DACH1: variants seen among roughly 807,000 people sequenced by gnomAD.
DACH1 encodes dachshund homolog 1.
Under a neutral mutation model 54.2 loss-of-function variants are expected in DACH1, and 12 were observed. That is an observed-to-expected ratio of 0.22 (90% CI 0.14 to 0.36). DACH1 has a LOEUF of 0.36. Ranked by LOEUF, DACH1 falls within the 10% of genes least tolerant of loss-of-function variation. DACH1 has a pLI of 1.00. For missense variants in DACH1, 805 were observed against 929.8 expected, an observed-to-expected ratio of 0.87 and a Z score of 1.75; for synonymous variants, 386 against 366.2, an observed-to-expected ratio of 1.05 and a Z score of -0.62.
At chr13:71,684,791 A>G (rs983593935) in intron 1 of DACH1, among the ~76,000 whole-genome samples, 2 of 152,154 alleles carry the variant, frequency 1.3e-5, no homozygotes, top group African/African-American at 4.8e-5. Context: ...TAAAAATAAT[A>G]ATAATAACCC....
At chr13:71,786,583 A>G (rs1272498911) in intron 1 of DACH1, among the ~76,000 whole-genome samples, 1 of 152,156 alleles carries the variant, frequency 6.6e-6, no homozygotes, top group Non-Finnish European at 1.5e-5. Flanking sequence ...ACATTTCAGT[A>G]TTTAATATTA....
At chr13:71,607,100 A>C (rs1874933783) in intron 3 of DACH1, among the ~76,000 whole-genome samples, 1 of 151,978 alleles carries the variant, frequency 6.6e-6, no homozygotes, top group Non-Finnish European at 1.5e-5. Context: ...TTCATATTAA[A>C]ATTAAAATAA....
intron 3 of DACH1, among the ~76,000 whole-genome samples, chr13:71,594,831 CAAAT>C (rs1873979421): frequency 6.6e-6 from 1 of 152,080 alleles, no homozygotes; most frequent in Non-Finnish European, 1.5e-5. Context: ...ATTCTTTCAA[CAAAT>C]ATTAGTTGTA....
At position 71,539,292 on chromosome 13, in the gene DACH1, T is replaced by G. The variant is rs544133953; in HGVS notation, c.1570+17732A>C. On this transcript the variant is annotated intron_variant, in intron 6 of 10. Coordinates refer to ENST00000613252, the MANE Select transcript of DACH1 (RefSeq NM_080759.6). ...GATATTCATTGATGGGTGCTCTTGA[T>G]ATTCAGAAAAATGCTTTTCTTTGCC... Among the ~76,000 whole-genome samples the G allele has an allele frequency of 2.0e-5, 3 of 152,096 alleles. No homozygotes were observed. The South Asian group carries it at 6.2e-4, about 31-fold the overall frequency.
intron 6 of DACH1, among the ~76,000 whole-genome samples, chr13:71,513,357 C>T (rs1206377832): frequency 6.6e-6 from 1 of 151,710 alleles, no homozygotes; most frequent in African/African-American, 2.4e-5. Context: ...TTGATTGTAC[C>T]AAGAAAATTG....
chr13:71,449,374 G>A (rs1233839372), intron 10 of DACH1, among the ~76,000 whole-genome samples: 2 of 152,030 alleles, frequency 1.3e-5, no homozygotes, highest in Admixed American at 1.3e-4. Context: ...TTACATAATA[G>A]ACCAACATGG....
intron 2 of DACH1, among the ~76,000 whole-genome samples, chr13:71,656,140 G>A (rs967063716): frequency 2.0e-5 from 3 of 152,014 alleles, no homozygotes; most frequent in African/African-American, 7.2e-5. Context: ...ATTTAATTCA[G>A]TCCAGTCCCA....
intron 2 of DACH1, among the ~76,000 whole-genome samples, chr13:71,677,442 GC>G (rs1330380411): frequency 6.6e-6 from 1 of 152,006 alleles, no homozygotes; most frequent in Non-Finnish European, 1.5e-5. Flanking sequence ...TTACACACAA[GC>G]CCACTCAAGC....
rs185857403 is a variant in DACH1, at chr13:71,707,566, A to C, written c.849-25656T>G. ...TAATCCCAGAGAACAGAAGCAGAAC[A>C]AAGGCATGACATAATATTTGTTTAG... On this transcript the variant is annotated intron_variant, in intron 1 of 10. Transcript: ENST00000613252. Among the ~76,000 whole-genome samples, 186 of 152,314 alleles carry C rather than the reference A, an allele frequency of 1.2e-3. 1 individual carries two copies. Among genetic ancestry groups the C allele is most frequent in the Non-Finnish European group, 2.1e-3 (143 of 68,034 alleles).
chr13:71,458,347 A>G (rs1046120142), intron 10 of DACH1, among the ~76,000 whole-genome samples: 1 of 151,878 alleles, frequency 6.6e-6, no homozygotes, highest in African/African-American at 2.4e-5. Flanking sequence ...AAAGATCTAG[A>G]CTTACATATC....
intron 1 of DACH1, among the ~76,000 whole-genome samples, chr13:71,712,491 AC>A: frequency 6.6e-6 from 1 of 152,192 alleles, no homozygotes; most frequent in South Asian, 2.1e-4. Context: ...CATTGCATTG[AC>A]CTTCCTCAGA....
intron 3 of DACH1, among the ~76,000 whole-genome samples, chr13:71,582,377 C>T (rs146836162): frequency 6.3e-4 from 96 of 151,924 alleles, no homozygotes; most frequent in African/African-American, 2.1e-3. Context: ...TATCTTAGGC[C>T]CTCAATTAAC....
Position 71,567,867 on chromosome 13 carries a change from T to TAAC in DACH1, c.1299+4970_1299+4972dup, listed in dbSNP as rs994148066. ...AAGTACGCCCTTTTCAAAATCTTTA[T>TAAC]AACATTGTGAATTTATTAAATAAAA... On this transcript the variant is annotated intron_variant, in intron 4 of 10. Coordinates refer to ENST00000613252, the MANE Select transcript of DACH1 (RefSeq NM_080759.6). 9.2e-5 allele frequency among the ~76,000 whole-genome samples: 14 copies of TAAC among 152,118 alleles called. No individual in the cohort carries two copies. In the East Asian group the frequency reaches 2.7e-3, roughly 29 times the overall value.
intron 2 of DACH1, among the ~76,000 whole-genome samples, chr13:71,679,781 G>T (rs770562240): frequency 9.2e-5 from 14 of 151,850 alleles, no homozygotes; most frequent in Non-Finnish European, 4.4e-5. Flanking sequence ...TCAGGAGATC[G>T]AGACCATCCT....
chr13:71,570,783 A>G (rs1885147102), intron 4 of DACH1, among the ~76,000 whole-genome samples: 1 of 152,114 alleles, frequency 6.6e-6, no homozygotes, highest in African/African-American at 2.4e-5. Flanking sequence ...CTTCCCAATC[A>G]TTGAGTCCTG....
chr13:71,467,327 C>T (rs1332328047), intron 10 of DACH1, among the ~76,000 whole-genome samples: 2 of 118,014 alleles, frequency 1.7e-5, no homozygotes, highest in East Asian at 2.5e-4. Flanking sequence ...GGAAGGGGAA[C>T]ATCACACTCT....
intron 7 of DACH1, among the ~76,000 whole-genome samples, chr13:71,488,572 T>C (rs1304944599): frequency 2.0e-5 from 3 of 152,064 alleles, no homozygotes; most frequent in Non-Finnish European, 2.9e-5. Flanking sequence ...ATTAGACATA[T>C]TTTAAATGAC....
At chr13:71,578,700 A>C (rs1299540451) in intron 3 of DACH1, among the ~76,000 whole-genome samples, 1 of 152,168 alleles carries the variant, frequency 6.6e-6, no homozygotes, top group Non-Finnish European at 1.5e-5. Context: ...TCTTCTAGGG[A>C]TATAATTAAT....
At chr13:71,667,942 C>T (rs1244137176) in intron 2 of DACH1, among the ~76,000 whole-genome samples, 1 of 151,960 alleles carries the variant, frequency 6.6e-6, no homozygotes, top group East Asian at 1.9e-4. Flanking sequence ...ATTTAATTCC[C>T]TAAAAGAATT....
Sources: gnomAD v4.1 joint callset for allele counts (sites outside exome capture counted in the v4.1 genomes callset) on GRCh38, gnomAD v4.1.1 for gene constraint, MANE v1.5 for transcripts, NCBI Gene and HGNC (gene_info 2026-07-23, HGNC 2026-07-21) for gene names.